ASIC2: variants seen among roughly 807,000 people sequenced by gnomAD.
ASIC2 encodes the protein acid-sensing ion channel 2.
In ASIC2, 25 loss-of-function variants were observed where a neutral mutation model predicts 57.3. The observed-to-expected ratio is 0.44, with a 90% CI of 0.32 to 0.61. The LOEUF is 0.61. ASIC2 is among the 20% of genes least tolerant of loss of function. The probability of loss-of-function intolerance (pLI) is 0.06; values close to 1 mark genes in which losing one functional copy is unlikely to be tolerated. For synonymous variants in ASIC2, 319 were observed against 307.5 expected (o/e 1.04, Z -0.39); for missense variants, 641 against 738.1 (o/e 0.87, Z 1.52).
At chr17:33,781,183 T>G (rs1911442505) in intron 1 of ASIC2, among the ~76,000 whole-genome samples, 1 of 152,196 alleles carries the variant, frequency 6.6e-6, no homozygotes, top group African/African-American at 2.4e-5. Context: ...TAATGTTTGC[T>G]AACAGCCACG....
intron 1 of ASIC2, among the ~76,000 whole-genome samples, chr17:33,661,781 T>G (rs905909117): frequency 2.0e-5 from 3 of 152,218 alleles, no homozygotes; most frequent in Non-Finnish European, 4.4e-5. Context: ...TGAATGAAAG[T>G]CAGGCCTTTC....
chr17:33,313,408 C>G (rs1435118469), intron 1 of ASIC2, among the ~76,000 whole-genome samples: 1 of 151,828 alleles, frequency 6.6e-6, no homozygotes, highest in Non-Finnish European at 1.5e-5. Context: ...GACTCAAAAT[C>G]TTTCTTTAAC....
intron 1 of ASIC2, among the ~76,000 whole-genome samples, chr17:33,752,827 G>A (rs1450900094): frequency 6.6e-6 from 1 of 152,214 alleles, no homozygotes; most frequent in East Asian, 1.9e-4. Context: ...TGGAGCAACA[G>A]CAACTCCCAT....
intron 1 of ASIC2, among the ~76,000 whole-genome samples, chr17:33,443,568 T>C (rs1907650538): frequency 1.1e-5 from 1 of 87,058 alleles, no homozygotes; most frequent in Non-Finnish European, 2.7e-5. Flanking sequence ...CGCCCGCCAC[T>C]ACGCCCGGCT....
chr17:33,855,821 A>G (rs1439645171), intron 1 of ASIC2, among the ~76,000 whole-genome samples: 1 of 152,196 alleles, frequency 6.6e-6, no homozygotes, highest in Non-Finnish European at 1.5e-5. Context: ...AGAATGGCCA[A>G]CTCTACCAAC....
Position 33,025,960 on chromosome 17 carries a change from A to C in ASIC2, c.1161T>G (p.Pro387=), listed in dbSNP as rs56140400. Residue 387 remains proline, a synonymous_variant, in exon 5 of 10, where the codon CCT becomes CCG. Transcript: ENST00000225823. ...GCTCTGCACACTCCTTGTGCTGCTC[A>C]GGGGTACAAAAAGGGGCATCCCCTG... is the stretch of plus-strand genomic sequence containing the variant. The part of the protein sequence containing the change: ...HMPGDAPFCT[P]EQHKECAEPA... 1.2e-6 allele frequency: 2 copies of C among 1,613,768 alleles called. No homozygotes were observed. The highest frequency in any genetic ancestry group is 1.7e-6 in the Non-Finnish European group (2 of 1,179,856).
At chr17:33,176,426 C>T (rs2142054132) in intron 1 of ASIC2, among the ~76,000 whole-genome samples, 1 of 152,286 alleles carries the variant, frequency 6.6e-6, no homozygotes, top group Non-Finnish European at 1.5e-5. Context: ...CTCACTGCAG[C>T]CTTGACCTCC....
At chr17:33,196,027 G>A (rs999201617) in intron 1 of ASIC2, among the ~76,000 whole-genome samples, 4 of 152,168 alleles carry the variant, frequency 2.6e-5, no homozygotes, top group Admixed American at 6.5e-5. Flanking sequence ...GCTGTGTGCC[G>A]GATACCCCGC....
At chr17:34,074,943 G>A (rs140384131) in intron 1 of ASIC2, among the ~76,000 whole-genome samples, 100 of 151,966 alleles carry the variant, frequency 6.6e-4, no homozygotes, top group African/African-American at 2.2e-3. Context: ...CTGCCATCAC[G>A]CCTGGCTAAT....
chr17:33,763,611 G>A (rs1910849685), intron 1 of ASIC2, among the ~76,000 whole-genome samples: 1 of 152,194 alleles, frequency 6.6e-6, no homozygotes, highest in Admixed American at 6.5e-5. Context: ...AGAAATGTGA[G>A]TGGAGGTGAG....
At chr17:33,109,273 C>T (rs112851790) in intron 2 of ASIC2, among the ~76,000 whole-genome samples, 2,334 of 152,314 alleles carry the variant, frequency 0.015, 56 homozygotes, top group African/African-American at 0.053. Flanking sequence ...CCTCATTCTC[C>T]TAGCCACCTT....
chr17:33,250,388 C>T (rs183205531), intron 1 of ASIC2, among the ~76,000 whole-genome samples: 13 of 152,326 alleles, frequency 8.5e-5, no homozygotes, highest in Admixed American at 2.6e-4. Flanking sequence ...CCCAGCACTT[C>T]GCTACCATCT....
chr17:33,838,692 A>G (rs1913342272), intron 1 of ASIC2, among the ~76,000 whole-genome samples: 1 of 152,164 alleles, frequency 6.6e-6, no homozygotes. Flanking sequence ...TGCTAGCAGC[A>G]TGTCGCTTTA....
intron 1 of ASIC2, among the ~76,000 whole-genome samples, chr17:34,132,268 T>C (rs915459475): frequency 6.6e-6 from 1 of 152,070 alleles, no homozygotes; most frequent in Non-Finnish European, 1.5e-5. Flanking sequence ...ACCTTTGTGG[T>C]GAGTGTTACA....
At chr17:33,408,606 A>G (rs942676413) in intron 1 of ASIC2, among the ~76,000 whole-genome samples, 1 of 152,238 alleles carries the variant, frequency 6.6e-6, no homozygotes, top group Non-Finnish European at 1.5e-5. Flanking sequence ...CACAATAACT[A>G]TCCTCCCTTT....
At chr17:33,132,979 A>G (rs1381425304) in intron 1 of ASIC2, among the ~76,000 whole-genome samples, 1 of 152,244 alleles carries the variant, frequency 6.6e-6, no homozygotes, top group Non-Finnish European at 1.5e-5. Context: ...CAGATGAACA[A>G]TAAATGGTTT....
At chr17:33,902,959 C>T (rs1280700259) in intron 1 of ASIC2, among the ~76,000 whole-genome samples, 3 of 152,126 alleles carry the variant, frequency 2.0e-5, no homozygotes, top group African/African-American at 7.2e-5. Flanking sequence ...CTTGCATTCC[C>T]CCTTAGTCCA....
intron 1 of ASIC2, among the ~76,000 whole-genome samples, chr17:33,571,497 A>T (rs1164167320): frequency 6.6e-6 from 1 of 152,206 alleles, no homozygotes; most frequent in African/African-American, 2.4e-5. Context: ...AAAGACTGTG[A>T]TCCAGCCTCA....
At chr17:34,126,777 C>T (rs1452142931) in intron 1 of ASIC2, among the ~76,000 whole-genome samples, 2 of 152,164 alleles carry the variant, frequency 1.3e-5, no homozygotes, top group Non-Finnish European at 2.9e-5. Context: ...ACATGAGTCA[C>T]CTGGGGACCT....
Sources: allele counts gnomAD v4.1 joint callset (sites outside exome capture counted in the v4.1 genomes callset), GRCh38; gene constraint gnomAD v4.1.1; transcripts MANE v1.5; gene names NCBI Gene and HGNC (gene_info 2026-07-23, HGNC 2026-07-21).